DLG1: variants seen among roughly 807,000 people sequenced by gnomAD.
The protein encoded by DLG1 is disks large homolog 1.
A neutral mutation model predicts 123.4 loss-of-function variants in DLG1; 42 were observed. That is an observed-to-expected ratio of 0.34 (90% CI 0.27 to 0.44). The LOEUF (loss-of-function observed/expected upper bound fraction) is 0.44. Ranked by LOEUF, DLG1 falls within the 20% of genes least tolerant of loss-of-function variation. DLG1 has a pLI of 1.00. For synonymous variants in DLG1, 317 were observed against 356.2 expected, an observed-to-expected ratio of 0.89 and a Z score of 1.24; for missense variants, 942 against 1,082.6, an observed-to-expected ratio of 0.87 and a Z score of 1.82.
At chr3:197,267,226 G>T (rs1341972383) in intron 4 of DLG1, among the ~76,000 whole-genome samples, 1 of 151,992 alleles carries the variant, frequency 6.6e-6, no homozygotes. Context: ...ACAAAATGAA[G>T]GAAAACCAAC....
Position 197,183,018 on chromosome 3 carries a change from AAAT to A in DLG1, c.483+11404_483+11406del, listed in dbSNP as rs369239038. Among the ~76,000 whole-genome samples, 24 of 152,282 alleles carry A rather than the reference AAAT, an allele frequency of 1.6e-4. No homozygotes were observed. In the East Asian group the frequency reaches 2.9e-3, roughly 18 times the overall value. ...CACTTAATTTCAAATTAAGCTAGAT[AAAT>A]AATATTTACAAAAAACGATTCATTA... On this transcript the variant is annotated intron_variant, in intron 5 of 24. Coordinates refer to ENST00000667157, the MANE Select transcript of DLG1 (RefSeq NM_001366207.1).
At chr3:197,054,285 C>T (rs116714989) in intron 23 of DLG1, among the ~76,000 whole-genome samples, 1 of 151,784 alleles carries the variant, frequency 6.6e-6, no homozygotes, top group African/African-American at 2.4e-5. Context: ...TCTTTCATCA[C>T]ATTTGGGATG....
At chr3:197,090,864 A>T (rs77261739) in intron 15 of DLG1, 48 bp downstream of exon 15, 53,439 of 1,087,164 alleles carry the variant, frequency 0.049, 1,577 homozygotes, top group South Asian at 0.054. Flanking sequence ...AATAATTTAC[A>T]TGCATAACTA....
intron 5 of DLG1, among the ~76,000 whole-genome samples, chr3:197,153,101 C>CAA (rs1198200422): frequency 3.9e-5 from 6 of 152,278 alleles, no homozygotes; most frequent in African/African-American, 1.4e-4. Context: ...AAGTGCTTTA[C>CAA]AAGTGCTTTT....
chr3:197,190,767 G>C (rs542977601), intron 5 of DLG1, among the ~76,000 whole-genome samples: 3 of 152,094 alleles, frequency 2.0e-5, no homozygotes, highest in African/African-American at 7.2e-5. Flanking sequence ...TCCCAGCACT[G>C]TGGGAGGCCG....
intron 23 of DLG1, among the ~76,000 whole-genome samples, chr3:197,053,927 C>CT (rs1729764797): frequency 6.6e-6 from 1 of 151,800 alleles, no homozygotes; most frequent in Non-Finnish European, 1.5e-5. Context: ...TCCTGTCTCT[C>CT]TAAAAAATAC....
At chr3:197,234,139 T>C (rs1311294347) in intron 4 of DLG1, among the ~76,000 whole-genome samples, 1 of 152,160 alleles carries the variant, frequency 6.6e-6, no homozygotes, top group Non-Finnish European at 1.5e-5. Flanking sequence ...AGAGATAAGG[T>C]TTTGAACAGT....
intron 5 of DLG1, among the ~76,000 whole-genome samples, chr3:197,176,063 T>C (rs935166764): frequency 1.3e-5 from 2 of 152,144 alleles, no homozygotes; most frequent in African/African-American, 4.8e-5. Flanking sequence ...CAAGACACTA[T>C]ACAGAAGCTA....
intron 13 of DLG1, among the ~76,000 whole-genome samples, chr3:197,105,275 T>C (rs1015078516): frequency 6.6e-6 from 1 of 152,216 alleles, no homozygotes; most frequent in African/African-American, 2.4e-5. Context: ...TATCAATCCA[T>C]TGAGAAATGT....
chr3:197,059,151 T>C (rs1461486622), intron 23 of DLG1, among the ~76,000 whole-genome samples: 2 of 152,160 alleles, frequency 1.3e-5, no homozygotes, highest in East Asian at 3.9e-4. Flanking sequence ...GGTCTCGATC[T>C]CCTGACCTCG....
chr3:197,184,041 C>A, intron 5 of DLG1: 1 of 1,291,388 alleles, frequency 7.7e-7, no homozygotes, highest in Middle Eastern at 3.0e-4. Flanking sequence ...TTTTTGCAGA[C>A]AAAAAAGACG....
chr3:197,253,936 G>A (rs1169934250), intron 4 of DLG1, among the ~76,000 whole-genome samples: 2 of 150,922 alleles, frequency 1.3e-5, no homozygotes, highest in African/African-American at 4.9e-5. Flanking sequence ...AAAAAAAAAA[G>A]GAAATGGAAA....
rs528029091 is a variant in DLG1 at position 197,098,539 on chromosome 3, T to TA, written c.1546+6363dup. 1.9e-3 allele frequency among the ~76,000 whole-genome samples: 295 copies of TA among 152,316 alleles called. 2 individuals carry two copies. The highest frequency in any genetic ancestry group is 6.8e-3 in the Middle Eastern group (2 of 294). ...GATCTTCATATTTATAGTCTTTGCTTAGAGTCTTCCCACCCGCCCCCACCT... is the reference window on the plus strand; with the variant it reads ...GATCTTCATATTTATAGTCTTTGCTTAAGAGTCTTCCCACCCGCCCCCACCT... On this transcript the variant is annotated intron_variant, in intron 14 of 24. Transcript: ENST00000667157.
intron 24 of DLG1, among the ~76,000 whole-genome samples, chr3:197,050,094 A>G (rs1414690739): frequency 6.6e-6 from 1 of 151,820 alleles, no homozygotes; most frequent in Non-Finnish European, 1.5e-5. Flanking sequence ...CAGGCCGGGC[A>G]CGGTGGCTCA....
intron 4 of DLG1, among the ~76,000 whole-genome samples, chr3:197,234,151 G>T (rs1026767186): frequency 1.3e-5 from 2 of 152,200 alleles, no homozygotes; most frequent in African/African-American, 4.8e-5. Context: ...TTGAACAGTG[G>T]TTCCCAAATG....
In DLG1 at chr3:197,127,437, AAAAAAAAAAAAAAAAAAAAAATATAT is replaced by A. The variant is rs1483948395; in HGVS notation, c.1165+3064_1165+3089del. Among the ~76,000 whole-genome samples the A allele has an allele frequency of 9.4e-4, 41 of 43,722 alleles. No homozygotes were observed. In the East Asian group the frequency reaches 0.018, roughly 19 times the overall value. 28.7% of individuals were successfully genotyped at this position (43,722 alleles called of 152,430 possible). A position where few individuals can be genotyped will look rare whatever the true frequency, so the allele number is the denominator to read the frequency against. On this transcript the variant is annotated intron_variant, in intron 11 of 24. Coordinates refer to ENST00000667157, the MANE Select transcript of DLG1 (RefSeq NM_001366207.1). ...GATTCTGTCTCCAAAAAAAAAAAAAAAAAAAAAAAAAAAAAAAAAAATATATATATATATATATATATATATATATA... is the reference window on the plus strand; with the variant it reads ...GATTCTGTCTCCAAAAAAAAAAAAAAATATATATATATATATATATATATA...
chr3:197,257,329 T>A (rs1173643932), intron 4 of DLG1, among the ~76,000 whole-genome samples: 1 of 152,174 alleles, frequency 6.6e-6, no homozygotes, highest in Non-Finnish European at 1.5e-5. Flanking sequence ...ACTTAATTCC[T>A]AAAATTCTAT....
intron 16 of DLG1, among the ~76,000 whole-genome samples, 173 bp from the exon 17 acceptor site, chr3:197,081,290 C>G (rs1216375129): frequency 1.3e-5 from 2 of 152,068 alleles, no homozygotes; most frequent in Non-Finnish European, 2.9e-5. Flanking sequence ...ATAAAGGGCT[C>G]ATTTTATTAT....
chr3:197,044,598 A>AAGAGAAAC lies in DLG1; in HGVS notation c.*17_*24dup, dbSNP rs777573463. 6.6e-7 allele frequency: 1 copy of AAGAGAAAC among 1,522,652 alleles called. No homozygotes were observed. Among genetic ancestry groups the AAGAGAAAC allele is most frequent in the Non-Finnish European group, 9.1e-7 (1 of 1,102,346 alleles). The allele number at this position is 1,522,652 out of a possible 1,614,324, so 94.3% of individuals were successfully genotyped here. On this transcript the variant is annotated 3_prime_UTR_variant, in exon 25 of 25. Coordinates refer to ENST00000667157, the MANE Select transcript of DLG1 (RefSeq NM_001366207.1). Reference sequence around the variant, plus strand: ...TGCCAAAGAAAATGGAATTGTGGAAAAGAGAAACAGAGAAACATGAGTTTT... The same window carrying AAGAGAAAC: ...TGCCAAAGAAAATGGAATTGTGGAAAAGAGAAACAGAGAAACAGAGAAACATGAGTTTT...
Sources: gnomAD v4.1 joint callset for allele counts (sites outside exome capture counted in the v4.1 genomes callset) on GRCh38, gnomAD v4.1.1 for gene constraint, MANE v1.5 for transcripts, NCBI Gene and HGNC (gene_info 2026-07-23, HGNC 2026-07-21) for gene names.